The following ZNF92 variants were observed in gnomAD, a reference collection of about 807,000 sequenced individuals.
ZNF92 encodes the protein zinc finger protein 92, also known as epididymis luminal protein 203.
ZNF92 carries 11 observed loss-of-function variants against 12.4 expected under a neutral mutation model. The observed-to-expected ratio is 0.89, with a 90% CI of 0.56 to 1.47. The LOEUF (loss-of-function observed/expected upper bound fraction) is 1.47. Among genes scored for constraint, ZNF92 ranks in the 40% most tolerant of loss-of-function variants. ZNF92 has a pLI of 0.00. For missense variants in ZNF92, 622 were observed against 681.0 expected (o/e 0.91, Z 0.96); for synonymous variants, 206 against 228.6 (o/e 0.90, Z 0.89).
chr7:65,399,113 A>G lies in ZNF92; in HGVS notation c.999A>G (p.Ile333Met). Reference protein sequence around the residue: ...RVFSILKKHKIIHTGEKPYKC... With the variant: ...RVFSILKKHKMIHTGEKPYKC... ...TCTCAATTCTTAAAAAACATAAGAT[A>G]ATCCATACTGGGGAAAAACCATACA... Residue 333 changes from isoleucine to methionine, a missense_variant, in exon 4 of 4, where the codon ATA becomes ATG. Coordinates refer to ENST00000328747, the MANE Select transcript of ZNF92 (RefSeq NM_152626.4). The G allele has an allele frequency of 6.2e-7, 1 of 1,612,944 alleles. No homozygotes were observed. Among genetic ancestry groups the G allele is most frequent in the Non-Finnish European group, 8.5e-7 (1 of 1,179,456 alleles).
chr7:65,397,628 T>A (rs1457506770), intron 3 of ZNF92, among the ~76,000 whole-genome samples: 1 of 152,314 alleles, frequency 6.6e-6, no homozygotes, highest in East Asian at 1.9e-4. Context: ...ATCTTTATTA[T>A]GTAGCCTTGT....
chr7:65,396,052 A>G lies in ZNF92; in HGVS notation c.227-2289A>G, dbSNP rs368457858. Among the ~76,000 whole-genome samples, 15 of 151,898 alleles carry G rather than the reference A, an allele frequency of 9.9e-5. 1 individual carries two copies. The East Asian group carries it at 1.4e-3, about 14-fold the overall frequency. Reference sequence around the variant, plus strand: ...ATTTCAGCCTGTCAAGTAGCTGGTTACAGGCATGTGCCATCATACCCAGCT... The same window carrying G: ...ATTTCAGCCTGTCAAGTAGCTGGTTGCAGGCATGTGCCATCATACCCAGCT... On this transcript the variant is annotated intron_variant, in intron 3 of 3. Transcript: ENST00000328747.
intron 3 of ZNF92, among the ~76,000 whole-genome samples, chr7:65,394,893 G>T (rs9638442): frequency 0.28 from 42,250 of 151,904 alleles, 7,708 homozygotes; most frequent in African/African-American, 0.49. Flanking sequence ...TGATCCACCC[G>T]CCTTGGCCTC....
chr7:65,398,906 A>C lies in ZNF92; in HGVS notation c.792A>C (p.Lys264Asn), dbSNP rs761732620. The change falls in exon 4 of 4, where the codon AAA becomes AAC. Residue 264 changes from lysine to asparagine, a missense_variant. Lys to Asn is a moderately conservative substitution (Grantham distance 94, BLOSUM62 0). Coordinates refer to ENST00000328747, the MANE Select transcript of ZNF92 (RefSeq NM_152626.4). ...EKPYKCEECGKAFNRSSTLTK... is the reference protein window; with the variant it reads ...EKPYKCEECGNAFNRSSTLTK... ...CCTACAAATGTGAAGAATGTGGCAA[A>C]GCTTTTAACCGGTCCTCAACCCTTA... 1 of 1,613,052 alleles carries C rather than the reference A, an allele frequency of 6.2e-7. No homozygotes were observed. The highest frequency in any genetic ancestry group is 1.1e-5 in the South Asian group (1 of 91,018).
Position 65,375,422 on chromosome 7 carries a change from C to T in ZNF92, c.3+1422C>T, listed in dbSNP as rs550892818. ...AGGTGGATGCCCTGGGGCTGAGAAG[C>T]ATCTCCTGGGCTACTCTTCCTTTGA... is the stretch of plus-strand genomic sequence containing the variant. On this transcript the variant is annotated intron_variant, in intron 1 of 3. Coordinates refer to ENST00000328747, the MANE Select transcript of ZNF92 (RefSeq NM_152626.4). 2.6e-5 allele frequency among the ~76,000 whole-genome samples: 4 copies of T among 152,160 alleles called. No individual in the cohort carries two copies. In the East Asian group the frequency reaches 7.7e-4, roughly 29 times the overall value.
rs932605137 is a variant in ZNF92 at position 65,392,218 on chromosome 7, T to C, written c.226+3317T>C. 5.7e-4 allele frequency among the ~76,000 whole-genome samples: 86 copies of C among 152,084 alleles called. 1 individual carries two copies. The highest frequency in any genetic ancestry group is 2.0e-3 in the African/African-American group (83 of 41,408). ...CTTGTGTATATTCTTTCTTAGCTGA[T>C]TTTCAATGGTTGTTTTGTCTAAGTG... On this transcript the variant is annotated intron_variant, in intron 3 of 3. Transcript: ENST00000328747.
chr7:65,390,659 T>C (rs1243038380), intron 3 of ZNF92, among the ~76,000 whole-genome samples: 3 of 152,142 alleles, frequency 2.0e-5, no homozygotes, highest in Non-Finnish European at 2.9e-5. Context: ...CGGGTCTGCA[T>C]ATAATGGACC....
intron 3 of ZNF92, among the ~76,000 whole-genome samples, chr7:65,393,274 A>G (rs965247987): frequency 6.6e-6 from 1 of 152,126 alleles, no homozygotes; most frequent in Non-Finnish European, 1.5e-5. Flanking sequence ...AGTATCCATC[A>G]TTTTGTTACT....
In ZNF92 at chr7:65,400,342, A is replaced by C. The variant is rs1173691844; in HGVS notation, c.*467A>C. The C allele has an allele frequency of 6.6e-6, 1 of 152,230 alleles. No individual in the cohort carries two copies. The highest frequency in any genetic ancestry group is 6.5e-5 in the Admixed American group (1 of 15,282). The allele number at this position is 152,230 out of a possible 1,614,324, so 9.4% of individuals were successfully genotyped here. ...AAAACCCTAAAGCATTAGTTGCTCA[A>C]ACTTTGTTCGACATCAGGGAATTTG... On this transcript the variant is annotated 3_prime_UTR_variant, in exon 4 of 4. Transcript: ENST00000328747.
At chr7:65,374,948 TA>T (rs1793199034) in intron 1 of ZNF92, among the ~76,000 whole-genome samples, 1 of 152,130 alleles carries the variant, frequency 6.6e-6, no homozygotes, top group Non-Finnish European at 1.5e-5. Context: ...AATGCCAACT[TA>T]CCCTCCCTAA....
rs76422744 is a variant in ZNF92, at chr7:65,377,101, T to A, written c.3+3101T>A. On this transcript the variant is annotated intron_variant, in intron 1 of 3. Coordinates refer to ENST00000328747, the MANE Select transcript of ZNF92 (RefSeq NM_152626.4). ...GTTGTCTGAAGGTAATAGATACTTT[T>A]GCTTTTCTTATTGAGGTGTGAAATG... Among the ~76,000 whole-genome samples the A allele has an allele frequency of 8.5e-3, 1,302 of 152,286 alleles. 17 individuals are homozygous for A. Among genetic ancestry groups the A allele is most frequent in the African/African-American group, 0.029 (1,223 of 41,554 alleles).
Position 65,399,809 on chromosome 7 carries a change from C to G in ZNF92, c.1695C>G (p.Cys565Trp), listed in dbSNP as rs1793962540. 2 of 1,611,616 alleles carry G rather than the reference C, an allele frequency of 1.2e-6. No individual in the cohort carries two copies. The highest frequency in any genetic ancestry group is 2.7e-5 in the African/African-American group (2 of 74,892). ...TAATTTATACTGGAGAGAAACCCTG[C>G]AAACATGAATGTGGCAGAGCCTTTA... Reference protein sequence around the residue: ...HQIIYTGEKPCKHECGRAFNK... With the variant: ...HQIIYTGEKPWKHECGRAFNK... Residue 565 changes from cysteine to tryptophan, a missense_variant, in exon 4 of 4, where the codon TGC becomes TGG. Coordinates refer to ENST00000328747, the MANE Select transcript of ZNF92 (RefSeq NM_152626.4).
intron 3 of ZNF92, among the ~76,000 whole-genome samples, chr7:65,397,809 G>A (rs1793881702): frequency 1.3e-5 from 2 of 151,790 alleles, no homozygotes; most frequent in Non-Finnish European, 2.9e-5. Context: ...GCTGTCTGTG[G>A]TGCTGCTGCA....
At chr7:65,382,443 C>T (rs563415657) in intron 1 of ZNF92, among the ~76,000 whole-genome samples, 1 of 152,140 alleles carries the variant, frequency 6.6e-6, no homozygotes, top group South Asian at 2.1e-4. Flanking sequence ...TCTCAGGCTT[C>T]CAGTCAACTC....
At chr7:65,386,829 T>C (rs938057993) in intron 1 of ZNF92, among the ~76,000 whole-genome samples, 1 of 152,104 alleles carries the variant, frequency 6.6e-6, no homozygotes, top group Non-Finnish European at 1.5e-5. Context: ...AAATTTGTCC[T>C]AGTTCAGTTG....
chr7:65,386,916 A>G (rs1192067316), intron 1 of ZNF92, among the ~76,000 whole-genome samples: 1 of 149,016 alleles, frequency 6.7e-6, no homozygotes, highest in Non-Finnish European at 1.5e-5. Flanking sequence ...TCTCTCGATT[A>G]TTAAGTATCT....
chr7:65,375,315 G>C (rs1793210454), intron 1 of ZNF92, among the ~76,000 whole-genome samples: 2 of 152,060 alleles, frequency 1.3e-5, no homozygotes, highest in Admixed American at 1.3e-4. Context: ...AATGTCGCTA[G>C]AGTGTCTAGT....
chr7:65,397,526 A>AT (rs976684109), intron 3 of ZNF92, among the ~76,000 whole-genome samples: 24 of 150,378 alleles, frequency 1.6e-4, no homozygotes, highest in African/African-American at 5.9e-4. Flanking sequence ...AAAATTTTAT[A>AT]TTTTTTTGAC....
chr7:65,376,488 C>G (rs369975801), intron 1 of ZNF92, among the ~76,000 whole-genome samples: 54 of 152,092 alleles, frequency 3.6e-4, no homozygotes, highest in African/African-American at 1.3e-3. Context: ...GCTCTGTCAC[C>G]CAGGCTGGAG....
Sources: gnomAD v4.1 joint callset for allele counts (sites outside exome capture counted in the v4.1 genomes callset) on GRCh38, gnomAD v4.1.1 for gene constraint, MANE v1.5 for transcripts, NCBI Gene and HGNC (gene_info 2026-07-23, HGNC 2026-07-21) for gene names.